SYT16: variants seen among roughly 807,000 people sequenced by gnomAD.
SYT16 encodes synaptotagmin 16.
In SYT16, 42 loss-of-function variants were observed where a neutral mutation model predicts 61.4. The ratio of observed to expected loss-of-function variants is 0.68; its 90% CI spans 0.53 to 0.89. The LOEUF (loss-of-function observed/expected upper bound fraction) is 0.89, where lower values mean the gene tolerates loss of function less well. Among genes scored for constraint, SYT16 ranks in the 40% least tolerant of loss-of-function variants. SYT16 has a pLI of 0.00. For missense variants in SYT16, 804 were observed against 807.3 expected, an observed-to-expected ratio of 1.00 and a Z score of 0.05; for synonymous variants, 314 against 302.3, an observed-to-expected ratio of 1.04 and a Z score of -0.40.
Position 62,084,340 on chromosome 14 carries a change from A to G in SYT16, c.1579A>G (p.Ile527Val), listed in dbSNP as rs766187318. Reference sequence around the variant, plus strand: ...AACGGGGCGATTATCTGTGGAAATGATCAAAGGCAGCCATTTCCGAAACCT... The same window carrying G: ...AACGGGGCGATTATCTGTGGAAATGGTCAAAGGCAGCCATTTCCGAAACCT... ...ATTGRLSVEM[I>V]KGSHFRNLAV... The change falls in exon 7 of 8, where the codon ATC (isoleucine) becomes GTC (valine). Residue 527 changes from isoleucine to valine, a missense_variant. Transcript: ENST00000683842. 10 of 1,613,276 alleles carry G rather than the reference A, an allele frequency of 6.2e-6. No individual in the cohort carries two copies. Among genetic ancestry groups the G allele is most frequent in the Non-Finnish European group, 8.5e-6 (10 of 1,179,810 alleles).
intron 1 of SYT16, among the ~76,000 whole-genome samples, chr14:61,818,593 G>A (rs1419619758): frequency 1.3e-5 from 2 of 150,688 alleles, no homozygotes; most frequent in Non-Finnish European, 2.9e-5. Context: ...CAGGAGAATC[G>A]CTTGAACCTG....
Position 61,996,087 on chromosome 14 carries a change from G to A in SYT16, c.68G>A (p.Arg23Gln), listed in dbSNP as rs749366602. 2.7e-5 allele frequency: 44 copies of A among 1,612,210 alleles called. No homozygotes were observed. The highest frequency in any genetic ancestry group is 1.2e-4 in the Admixed American group (7 of 59,772). Residue 23 changes from arginine to glutamine, a missense_variant, in exon 3 of 8, where the codon CGG becomes CAG. Physicochemically the swap from Arg to Gln is conservative, Grantham distance 43. Transcript: ENST00000683842. ...FFQPFSSWIS[R>Q]VYEALQQAGD... ...CAGCCTTTCTCTTCCTGGATATCTC[G>A]GGTTTATGAAGCTCTCCAGCAAGCA... is the stretch of plus-strand genomic sequence containing the variant.
At chr14:61,909,932 T>G (rs1311544862) in intron 1 of SYT16, among the ~76,000 whole-genome samples, 1 of 152,206 alleles carries the variant, frequency 6.6e-6, no homozygotes, top group African/African-American at 2.4e-5. Context: ...TCCATAGTCA[T>G]GCCCCATGCC....
chr14:61,915,809 A>G (rs2049100999), intron 1 of SYT16, among the ~76,000 whole-genome samples: 1 of 152,240 alleles, frequency 6.6e-6, no homozygotes, highest in South Asian at 2.1e-4. Flanking sequence ...TGAAGAACCC[A>G]TTTGAAGGTT....
chr14:62,021,665 A>G (rs1282807776), intron 3 of SYT16, among the ~76,000 whole-genome samples: 1 of 138,078 alleles, frequency 7.2e-6, no homozygotes, highest in African/African-American at 2.5e-5. Context: ...TCCCTCTACC[A>G]AGAATGGACT....
chr14:62,072,809 T>A (rs1340348515), intron 4 of SYT16, among the ~76,000 whole-genome samples: 1 of 151,794 alleles, frequency 6.6e-6, no homozygotes, highest in Non-Finnish European at 1.5e-5. Flanking sequence ...GGTTTGGGAG[T>A]ATGAAAAAAG....
chr14:61,906,373 C>T (rs2048710477), intron 1 of SYT16, among the ~76,000 whole-genome samples: 1 of 152,178 alleles, frequency 6.6e-6, no homozygotes, highest in African/African-American at 2.4e-5. Context: ...GCCTCGAATG[C>T]CTGGGTTCAA....
At chr14:62,019,782 G>A (rs529974320) in intron 3 of SYT16, among the ~76,000 whole-genome samples, 2 of 152,316 alleles carry the variant, frequency 1.3e-5, no homozygotes, top group Admixed American at 1.3e-4. Context: ...CCTATGAGGT[G>A]TGATTGCAGT....
chr14:61,910,530 GTTTTTT>G (rs59595019), intron 1 of SYT16, among the ~76,000 whole-genome samples: 7 of 142,768 alleles, frequency 4.9e-5, no homozygotes, highest in Non-Finnish European at 9.1e-5. Flanking sequence ...CCGCTGTTTT[GTTTTTT>G]TTTTTTTTTT....
intron 2 of SYT16, among the ~76,000 whole-genome samples, chr14:61,988,140 G>A (rs1405167928): frequency 3.9e-5 from 6 of 152,134 alleles, no homozygotes; most frequent in Non-Finnish European, 8.8e-5. Context: ...CATGGCCCTG[G>A]AGCACAGATG....
At chr14:62,096,204 A>G (rs760262842) in intron 7 of SYT16, among the ~76,000 whole-genome samples, 56 of 152,074 alleles carry the variant, frequency 3.7e-4, no homozygotes, top group Non-Finnish European at 1.0e-4. Flanking sequence ...GAAGACACCA[A>G]TAAACCTGAC....
chr14:62,026,588 C>T (rs1304286112), intron 3 of SYT16, among the ~76,000 whole-genome samples: 1 of 152,192 alleles, frequency 6.6e-6, no homozygotes, highest in Non-Finnish European at 1.5e-5. Flanking sequence ...ACCACTTTGG[C>T]AACACCTGGA....
At chr14:61,855,858 C>A (rs1026750982) in intron 1 of SYT16, among the ~76,000 whole-genome samples, 1 of 152,208 alleles carries the variant, frequency 6.6e-6, no homozygotes, top group Admixed American at 6.5e-5. Context: ...GGGTCCAGTC[C>A]TTTTGTAATA....
At chr14:61,952,096 C>A (rs554777669) in intron 1 of SYT16, among the ~76,000 whole-genome samples, 1 of 151,756 alleles carries the variant, frequency 6.6e-6, no homozygotes, top group African/African-American at 2.4e-5. Context: ...CCATTAAGTT[C>A]AACAATGTTG....
At chr14:61,836,752 C>G (rs2046143125) in intron 1 of SYT16, among the ~76,000 whole-genome samples, 1 of 152,230 alleles carries the variant, frequency 6.6e-6, no homozygotes, top group South Asian at 2.1e-4. Context: ...GCCGGGGAAA[C>G]AAGCTTGTTA....
chr14:61,992,740 C>T (rs928945385), intron 2 of SYT16, among the ~76,000 whole-genome samples: 1 of 151,840 alleles, frequency 6.6e-6, no homozygotes, highest in African/African-American at 2.4e-5. Context: ...ATCCAGGGGT[C>T]GGGCAGGCTA....
intron 1 of SYT16, among the ~76,000 whole-genome samples, chr14:61,927,844 G>C (rs1369495388): frequency 6.6e-6 from 1 of 152,172 alleles, no homozygotes; most frequent in Non-Finnish European, 1.5e-5. Context: ...TAATAACCTA[G>C]TGTCAGAAGG....
chr14:62,085,324 A>G (rs1386795783), intron 7 of SYT16, among the ~76,000 whole-genome samples: 1 of 152,132 alleles, frequency 6.6e-6, no homozygotes, highest in African/African-American at 2.4e-5. Flanking sequence ...TGGAGGACTT[A>G]ATTTGGATCT....
At chr14:61,962,164 A>G (rs1410389238) in intron 1 of SYT16, among the ~76,000 whole-genome samples, 1 of 152,096 alleles carries the variant, frequency 6.6e-6, no homozygotes, top group Non-Finnish European at 1.5e-5. Context: ...CACCTATTGG[A>G]TACTATGCCT....
Sources: gnomAD v4.1 joint callset for allele counts (sites outside exome capture counted in the v4.1 genomes callset) on GRCh38, gnomAD v4.1.1 for gene constraint, MANE v1.5 for transcripts, NCBI Gene and HGNC (gene_info 2026-07-23, HGNC 2026-07-21) for gene names.